PACRG: variants seen among roughly 807,000 people sequenced by gnomAD.
PACRG encodes parkin coregulated, also known as parkin coregulated gene protein.
Under a neutral mutation model 29.7 loss-of-function variants are expected in PACRG, and 29 were observed. The ratio of observed to expected loss-of-function variants is 0.98; its 90% CI spans 0.73 to 1.33. The LOEUF is 1.33. Ranked by LOEUF, PACRG falls within the 40% of genes most tolerant of loss-of-function variation. The pLI is 0.00. For synonymous variants in PACRG, 116 were observed against 118.7 expected, an observed-to-expected ratio of 0.98 and a Z score of 0.15; for missense variants, 279 against 316.2, an observed-to-expected ratio of 0.88 and a Z score of 0.89.
intron 4 of PACRG, among the ~76,000 whole-genome samples, chr6:163,309,205 G>A (rs772469957): frequency 7.2e-5 from 11 of 152,206 alleles, no homozygotes; most frequent in Admixed American, 2.0e-4. Context: ...GGCTACGCCT[G>A]GCAGCAAATG....
chr6:163,238,876 T>C (rs1044464818), intron 4 of PACRG, among the ~76,000 whole-genome samples: 1 of 152,244 alleles, frequency 6.6e-6, no homozygotes, highest in African/African-American at 2.4e-5. Context: ...TTGTCCTTCA[T>C]ACTTGAGTTA....
At chr6:163,234,991 G>A (rs1055829870) in intron 4 of PACRG, among the ~76,000 whole-genome samples, 5 of 152,030 alleles carry the variant, frequency 3.3e-5, no homozygotes, top group African/African-American at 1.2e-4. Flanking sequence ...GTTTTAAGAC[G>A]AAAAGACACG....
chr6:162,963,496 T>A (rs1800794786), intron 2 of PACRG, among the ~76,000 whole-genome samples: 1 of 151,750 alleles, frequency 6.6e-6, no homozygotes, highest in South Asian at 2.1e-4. Flanking sequence ...ATATATAGTA[T>A]GTCTATTTGT....
At position 162,921,716 on chromosome 6, in the gene PACRG, C is replaced by T. The variant is rs1165819580; in HGVS notation, c.291+107435C>T. The stretch of plus-strand genomic sequence containing the variant: ...TTGGATACAGAGTTATATTTCCACA[C>T]GTGTATACAATGTGTAATTATTACT... On this transcript the variant is annotated intron_variant, in intron 2 of 4. Transcript: ENST00000366888. 2.6e-5 allele frequency among the ~76,000 whole-genome samples: 4 copies of T among 152,032 alleles called. No individual in the cohort carries two copies. The East Asian group carries it at 7.7e-4, about 29-fold the overall frequency.
intron 4 of PACRG, among the ~76,000 whole-genome samples, chr6:163,188,137 T>C (rs1236918695): frequency 6.6e-6 from 1 of 152,156 alleles, no homozygotes; most frequent in Non-Finnish European, 1.5e-5. Context: ...TCTGTGCAAA[T>C]AGAGTCCCCA....
chr6:163,279,362 C>T (rs1207738121), intron 4 of PACRG, among the ~76,000 whole-genome samples: 1 of 152,192 alleles, frequency 6.6e-6, no homozygotes, highest in Non-Finnish European at 1.5e-5. Context: ...GCTAGGACTT[C>T]CAGTACTGTG....
intron 2 of PACRG, among the ~76,000 whole-genome samples, chr6:163,014,536 C>T (rs6925927): frequency 0.62 from 93,747 of 151,016 alleles, 30,608 homozygotes; most frequent in East Asian, 0.96. Flanking sequence ...TTTTTTACTT[C>T]TTAATAATAG....
At chr6:162,995,460 C>G (rs1169016422) in intron 2 of PACRG, among the ~76,000 whole-genome samples, 1 of 152,172 alleles carries the variant, frequency 6.6e-6, no homozygotes, top group Non-Finnish European at 1.5e-5. Context: ...GTTTTTTAAG[C>G]CGGTCTGAAA....
intron 4 of PACRG, among the ~76,000 whole-genome samples, chr6:163,249,015 C>CAAAAAA (rs57866351): frequency 1.3e-4 from 14 of 107,326 alleles, no homozygotes; most frequent in Admixed American, 3.0e-4. Context: ...GACTCTGTCT[C>CAAAAAA]AAAAAAAAAA....
intron 1 of PACRG, among the ~76,000 whole-genome samples, chr6:162,766,459 T>A (rs1462446665): frequency 1.3e-5 from 2 of 152,196 alleles, no homozygotes; most frequent in Non-Finnish European, 2.9e-5. Context: ...AATCTATTGA[T>A]GGACCCTTAG....
At chr6:163,119,198 C>T (rs1009507110) in intron 4 of PACRG, among the ~76,000 whole-genome samples, 2 of 152,240 alleles carry the variant, frequency 1.3e-5, no homozygotes, top group African/African-American at 2.4e-5. Flanking sequence ...ACTGCAGATT[C>T]CTGCTCTACA....
chr6:162,946,803 G>T (rs544753666), intron 2 of PACRG, among the ~76,000 whole-genome samples: 2 of 152,090 alleles, frequency 1.3e-5, no homozygotes, highest in Non-Finnish European at 2.9e-5. Context: ...TTATCCCGGG[G>T]ATGAAAGGAT....
intron 1 of PACRG, among the ~76,000 whole-genome samples, chr6:162,728,664 A>C (rs1014772613): frequency 6.6e-6 from 1 of 152,144 alleles, no homozygotes; most frequent in African/African-American, 2.4e-5. Context: ...CTCTTAAGCT[A>C]TTTACACGAG....
intron 4 of PACRG, among the ~76,000 whole-genome samples, chr6:163,136,595 T>C (rs1270881048): frequency 1.3e-5 from 2 of 152,248 alleles, no homozygotes; most frequent in Non-Finnish European, 2.9e-5. Context: ...CTTTCGTTAG[T>C]TTCAGGGTTC....
intron 2 of PACRG, among the ~76,000 whole-genome samples, chr6:162,921,783 A>G (rs1389331154): frequency 6.6e-6 from 1 of 152,186 alleles, no homozygotes; most frequent in Non-Finnish European, 1.5e-5. Context: ...ATTTGGGAGA[A>G]AGAAGTCTGC....
intron 2 of PACRG, among the ~76,000 whole-genome samples, chr6:163,030,355 T>C (rs1382073201): frequency 2.6e-5 from 4 of 152,228 alleles, no homozygotes; most frequent in Non-Finnish European, 5.9e-5. Flanking sequence ...TCTATCGAGA[T>C]ACAGTAAGTT....
chr6:163,130,960 T>C (rs498657), intron 4 of PACRG, among the ~76,000 whole-genome samples: 24,210 of 152,196 alleles, frequency 0.16, 2,217 homozygotes, highest in South Asian at 0.31. Context: ...GATAAGGTCC[T>C]ACTGGAGTCG....
Position 163,127,170 on chromosome 6 carries a change from A to G in PACRG, c.613+37762A>G, listed in dbSNP as rs369570418. Among the ~76,000 whole-genome samples, 47 of 152,346 alleles carry G rather than the reference A, an allele frequency of 3.1e-4. 2 individuals are homozygous for G. In the South Asian group the frequency reaches 9.7e-3, roughly 32 times the overall value. ...TCTAACATTTAACAAAAGTGGCGTC[A>G]TTTCCAGAGCTCTGCCCAGCTCTGA... On this transcript the variant is annotated intron_variant, in intron 4 of 4. Coordinates refer to ENST00000366888, the MANE Select transcript of PACRG (RefSeq NM_001080379.2).
At chr6:162,947,605 T>TAC (rs1799267945) in intron 2 of PACRG, among the ~76,000 whole-genome samples, 3 of 62,248 alleles carry the variant, frequency 4.8e-5, no homozygotes, top group Admixed American at 2.5e-4. Flanking sequence ...CATATATATA[T>TAC]ATAATCATAT....
Sources: allele counts gnomAD v4.1 joint callset (sites outside exome capture counted in the v4.1 genomes callset), GRCh38; gene constraint gnomAD v4.1.1; transcripts MANE v1.5; gene names NCBI Gene and HGNC (gene_info 2026-07-23, HGNC 2026-07-21).